The following GABRA2 variants were observed in gnomAD, a reference collection of about 807,000 sequenced individuals.
The protein encoded by GABRA2 is gamma-aminobutyric acid type A receptor subunit alpha2.
A neutral mutation model predicts 48.7 loss-of-function variants in GABRA2; 16 were observed. The ratio of observed to expected loss-of-function variants is 0.33; its 90% CI spans 0.22 to 0.50. The LOEUF (loss-of-function observed/expected upper bound fraction) is 0.50. GABRA2 is among the 20% of genes least tolerant of loss of function. GABRA2 has a pLI of 0.98. For missense variants in GABRA2, 275 were observed against 535.6 expected (o/e 0.51, Z 4.80); for synonymous variants, 185 against 184.5 (o/e 1.00, Z -0.02).
At chr4:46,342,617 C>A (rs1282412923) in intron 3 of GABRA2, among the ~76,000 whole-genome samples, 5 of 151,962 alleles carry the variant, frequency 3.3e-5, no homozygotes, top group African/African-American at 1.2e-4. Context: ...AGGCCCTTGT[C>A]ACAGAAGCAT....
At chr4:46,279,653 A>C (rs537698769) in intron 8 of GABRA2, among the ~76,000 whole-genome samples, 1 of 152,204 alleles carries the variant, frequency 6.6e-6, no homozygotes, top group African/African-American at 2.4e-5. Flanking sequence ...ATTTCACAGT[A>C]AAGTTTTACA....
intron 4 of GABRA2, 126 bp downstream of exon 4, chr4:46,332,488 AT>A: frequency 1.7e-6 from 1 of 601,588 alleles, no homozygotes. Context: ...CTATCCATGT[AT>A]TTGAGTAGAC....
At chr4:46,323,668 T>C (rs1729837047) in intron 4 of GABRA2, among the ~76,000 whole-genome samples, 1 of 150,932 alleles carries the variant, frequency 6.6e-6, no homozygotes, top group Admixed American at 6.6e-5. Context: ...TTCTAGTAGC[T>C]CAGACTGCCA....
chr4:46,258,406 G>C (rs1716284639), intron 9 of GABRA2, among the ~76,000 whole-genome samples: 1 of 151,862 alleles, frequency 6.6e-6, no homozygotes. Flanking sequence ...GGAGGGCTCA[G>C]AAATTTCCTG....
intron 2 of GABRA2, 90 bp from the exon 3 acceptor site, chr4:46,386,279 A>C (rs978450640): frequency 7.2e-5 from 54 of 748,112 alleles, no homozygotes; most frequent in East Asian, 1.8e-4. Context: ...AAATTTTAAC[A>C]CTCCCTGAGC....
rs115053859 is a variant in GABRA2, at chr4:46,274,733, A to C, written c.857-12605T>G. Reference sequence around the variant, plus strand: ...TTCCTTTCTGAGCCTCAGTGGCTTTATCTCTAAAATGGGAATTAGAATATG... The same window carrying C: ...TTCCTTTCTGAGCCTCAGTGGCTTTCTCTCTAAAATGGGAATTAGAATATG... On this transcript the variant is annotated intron_variant, in intron 8 of 9. Coordinates refer to ENST00000381620, the MANE Select transcript of GABRA2 (RefSeq NM_000807.4). 8.6e-3 allele frequency among the ~76,000 whole-genome samples: 1,311 copies of C among 152,210 alleles called. 23 individuals are homozygous for C. The highest frequency in any genetic ancestry group is 0.031 in the African/African-American group (1,269 of 41,552).
At chr4:46,362,700 T>C (rs1328016827) in intron 3 of GABRA2, among the ~76,000 whole-genome samples, 3 of 152,230 alleles carry the variant, frequency 2.0e-5, no homozygotes, top group African/African-American at 7.2e-5. Flanking sequence ...ATTATGTCTC[T>C]AAACTTTTAA....
chr4:46,368,687 A>C (rs1714429684), intron 3 of GABRA2: 1 of 328,484 alleles, frequency 3.0e-6, no homozygotes, highest in African/African-American at 2.1e-5. Flanking sequence ...TGGGAAGCAC[A>C]GATTTTGTTT....
intron 8 of GABRA2, among the ~76,000 whole-genome samples, chr4:46,278,519 ACT>A (rs1720929904): frequency 6.6e-6 from 1 of 152,032 alleles, no homozygotes; most frequent in Non-Finnish European, 1.5e-5. Flanking sequence ...TAAAAGATTA[ACT>A]CTATATTGCT....
chr4:46,327,175 TC>T (rs1268880088), intron 4 of GABRA2, among the ~76,000 whole-genome samples: 6 of 151,928 alleles, frequency 3.9e-5, no homozygotes, highest in African/African-American at 1.4e-4. Context: ...TCTTCACCAA[TC>T]TTATAATATA....
In GABRA2 at chr4:46,274,184, T is replaced by C. The variant is rs571567698; in HGVS notation, c.857-12056A>G. Among the ~76,000 whole-genome samples, 5 of 152,212 alleles carry C rather than the reference T, an allele frequency of 3.3e-5. No individual in the cohort carries two copies. In the South Asian group the frequency reaches 8.3e-4, roughly 25 times the overall value. On this transcript the variant is annotated intron_variant, in intron 8 of 9. Transcript: ENST00000381620. The stretch of plus-strand genomic sequence containing the variant: ...TAACAACCATGTAAGTAACATATAA[T>C]TATTATTCTCATTTACAGATGAGCA...
chr4:46,291,332 T>C (rs1723583972), intron 8 of GABRA2, among the ~76,000 whole-genome samples: 1 of 152,164 alleles, frequency 6.6e-6, no homozygotes, highest in Admixed American at 6.5e-5. Flanking sequence ...TCTAGGAGTG[T>C]GCCCATTACT....
Position 46,305,619 on chromosome 4 carries a change from A to C in GABRA2, c.652T>G (p.Tyr218Asp). The change falls in exon 7 of 10, where the codon TAT (tyrosine) becomes GAT (aspartate). Residue 218 changes from tyrosine (Y) to aspartate (D), a missense_variant. By Grantham distance (160) the Tyr-to-Asp change is radical (BLOSUM62 -3). Around this residue, in one of 4 missense-constraint regions of GABRA2, gnomAD observed 113 missense variants for 257.1 expected, o/e 0.44. Coordinates refer to ENST00000381620, the MANE Select transcript of GABRA2 (RefSeq NM_000807.4). ...VAPDGSRLNQ[Y>D]DLLGQSIGKE... Reference sequence around the variant, plus strand: ...CCGATTGATTGGCCCAGCAGGTCATATTGATTTAACCTAGAGCCATCAGGA... The same window carrying C: ...CCGATTGATTGGCCCAGCAGGTCATCTTGATTTAACCTAGAGCCATCAGGA... 1 of 1,613,990 alleles carries C rather than the reference A, an allele frequency of 6.2e-7. No homozygotes were observed.
intron 9 of GABRA2, chr4:46,256,211 G>A: frequency 1.5e-6 from 1 of 678,432 alleles, no homozygotes; most frequent in South Asian, 1.6e-5. Context: ...TTGTTTGAAG[G>A]TTAAACAGTC....
At chr4:46,301,174 GA>G (rs1421512689) in intron 8 of GABRA2, among the ~76,000 whole-genome samples, 2 of 152,040 alleles carry the variant, frequency 1.3e-5, no homozygotes, top group Non-Finnish European at 2.9e-5. Context: ...AAGAAGGTGG[GA>G]AAAAATTTGA....
intron 9 of GABRA2, among the ~76,000 whole-genome samples, chr4:46,256,577 T>G (rs1715885971): frequency 6.6e-6 from 1 of 151,572 alleles, no homozygotes; most frequent in Non-Finnish European, 1.5e-5. Context: ...CCCCAAGGTG[T>G]TACTTTGGTC....
At chr4:46,329,389 G>A (rs1170713190) in intron 4 of GABRA2, among the ~76,000 whole-genome samples, 1 of 152,076 alleles carries the variant, frequency 6.6e-6, no homozygotes, top group East Asian at 1.9e-4. Context: ...TTTTGGCACA[G>A]CTTCAAACGA....
At chr4:46,260,840 T>A (rs1716814522) in intron 9 of GABRA2, 1 of 151,898 alleles carries the variant, frequency 6.6e-6, no homozygotes, top group South Asian at 2.1e-4. Context: ...AAATAAATAA[T>A]CAGTCTTATT....
chr4:46,283,473 GGAAAA>G (rs1420130131), intron 8 of GABRA2, among the ~76,000 whole-genome samples: 2 of 152,004 alleles, frequency 1.3e-5, no homozygotes. Flanking sequence ...ATTCCACATG[GGAAAA>G]GAAAAGAAAA....
Sources: allele counts gnomAD v4.1 joint callset (sites outside exome capture counted in the v4.1 genomes callset), GRCh38; gene constraint gnomAD v4.1.1; regional missense constraint gnomAD v4.1.1; transcripts MANE v1.5; gene names NCBI Gene and HGNC (gene_info 2026-07-23, HGNC 2026-07-21).